SH3BP5: variants seen among roughly 807,000 people sequenced by gnomAD.
The protein encoded by SH3BP5 is SH3 domain-binding protein 5.
Under a neutral mutation model 43.3 loss-of-function variants are expected in SH3BP5, and 22 were observed. The ratio of observed to expected loss-of-function variants is 0.51; its 90% CI spans 0.36 to 0.73. The LOEUF (loss-of-function observed/expected upper bound fraction) is 0.73. Among genes scored for constraint, SH3BP5 ranks in the 30% least tolerant of loss-of-function variants. The probability of loss-of-function intolerance (pLI) is 0.00; values close to 1 mark genes in which losing one functional copy is unlikely to be tolerated. For missense variants in SH3BP5, 529 were observed against 586.9 expected (o/e 0.90, Z 1.02); for synonymous variants, 255 against 225.8 (o/e 1.13, Z -1.16).
Position 15,258,806 on chromosome 3 carries a change from A to C in SH3BP5, c.889+25T>G. The C allele has an allele frequency of 1.3e-6, 2 of 1,581,850 alleles. 1 individual carries two copies. The highest frequency in any genetic ancestry group is 2.2e-5 in the South Asian group (2 of 90,390). On this transcript the variant is annotated intron_variant, in intron 7 of 8. Coordinates refer to ENST00000383791, the MANE Select transcript of SH3BP5 (RefSeq NM_004844.5). ...ATCACACAGTCTGATATCTCCCCAC[A>C]TACCCAGTGGAGCCCCTGACTTACC...
intron 7 of SH3BP5, among the ~76,000 whole-genome samples, chr3:15,257,833 T>C (rs1004111263): frequency 6.6e-5 from 10 of 151,056 alleles, no homozygotes; most frequent in African/African-American, 2.5e-4. Context: ...TCCTACTCCA[T>C]TTTTCCCCCC....
At chr3:15,259,219 A>G (rs531314900) in intron 6 of SH3BP5, 169 bp from the exon 7 acceptor site, 8 of 626,268 alleles carry the variant, frequency 1.3e-5, no homozygotes, top group South Asian at 1.2e-4. Context: ...TCACCAGACA[A>G]AATCAGCCAC....
At chr3:15,320,640 A>ACACACACACACACACACACACCCC (rs373879792) in intron 2 of SH3BP5, among the ~76,000 whole-genome samples, 1 of 149,560 alleles carries the variant, frequency 6.7e-6, no homozygotes. Flanking sequence ...ACACACACAC[A>ACACACACACACACACACACACCCC]CCCCACTACG....
chr3:15,273,481 C>G lies in SH3BP5; in HGVS notation c.331-3604G>C, dbSNP rs148275703. ...GTGCTGTCAAATTCCGGACAAGCGT[C>G]TGAAGTTTCTGCGAGATTCCTTCTC... On this transcript the variant is annotated intron_variant, in intron 3 of 8. Coordinates refer to ENST00000383791, the MANE Select transcript of SH3BP5 (RefSeq NM_004844.5). The G allele has an allele frequency of 4.1e-5, 34 of 824,410 alleles. No homozygotes were observed. In the African/African-American group the frequency reaches 4.8e-4, roughly 12 times the overall value. The allele number at this position is 824,410 out of a possible 1,614,324, so 51.1% of individuals were successfully genotyped here.
intron 2 of SH3BP5, among the ~76,000 whole-genome samples, chr3:15,315,395 C>T (rs557334809): frequency 2.4e-4 from 36 of 152,370 alleles, no homozygotes; most frequent in African/African-American, 8.2e-4. Flanking sequence ...ACCCTCTGGG[C>T]AAGCCCTGTG....
chr3:15,312,065 C>T (rs1339708717), intron 2 of SH3BP5, among the ~76,000 whole-genome samples: 1 of 152,126 alleles, frequency 6.6e-6, no homozygotes, highest in African/African-American at 2.4e-5. Context: ...GGTGGGGCAC[C>T]TGGAAACCTT....
At chr3:15,317,248 C>T (rs1008613215) in intron 2 of SH3BP5, among the ~76,000 whole-genome samples, 23 of 152,288 alleles carry the variant, frequency 1.5e-4, no homozygotes, top group African/African-American at 4.8e-4. Flanking sequence ...GGCGATATGG[C>T]GAGTTCATGG....
In SH3BP5 at chr3:15,330,552, CT is replaced by C. The variant is rs773204463; in HGVS notation, c.152del (p.Lys51SerfsTer2). On this transcript the variant is annotated frameshift_variant, in exon 2 of 9. Coordinates refer to ENST00000383791, the MANE Select transcript of SH3BP5 (RefSeq NM_004844.5). LOFTEE classifies it high-confidence loss of function. ...VDPRIQGELE[K>X]LNQSTDDINR... Reference sequence around the variant, plus strand: ...TGATATCATCCGTGGACTGATTTAACTTCTCCAGTTCTCCCTGGTGAAGAAA... The same window carrying C: ...TGATATCATCCGTGGACTGATTTAACTCTCCAGTTCTCCCTGGTGAAGAAA... The C allele has an allele frequency of 6.2e-7, 1 of 1,607,386 alleles. No individual in the cohort carries two copies. Among genetic ancestry groups the C allele is most frequent in the Non-Finnish European group, 8.5e-7 (1 of 1,177,586 alleles).
chr3:15,283,591 A>T (rs563762649), intron 3 of SH3BP5, among the ~76,000 whole-genome samples: 1 of 152,320 alleles, frequency 6.6e-6, no homozygotes, highest in Admixed American at 6.5e-5. Flanking sequence ...GTTAGTGGCC[A>T]CACCACTCCA....
intron 3 of SH3BP5, among the ~76,000 whole-genome samples, chr3:15,294,627 T>A (rs189692587): frequency 2.4e-4 from 36 of 152,176 alleles, no homozygotes; most frequent in African/African-American, 8.7e-4. Context: ...GTTTCCTCAT[T>A]CGTACTATAA....
chr3:15,330,798 T>C (rs1698591215), intron 1 of SH3BP5: 1 of 978,522 alleles, frequency 1.0e-6, no homozygotes, highest in African/African-American at 1.8e-5. Context: ...TTCAGAGACA[T>C]TTGGAATTTG....
intron 3 of SH3BP5, among the ~76,000 whole-genome samples, chr3:15,293,188 G>A (rs1264996496): frequency 6.6e-6 from 1 of 152,252 alleles, no homozygotes. Flanking sequence ...TCTGCTTTGA[G>A]ACAGATGCCC....
intron 3 of SH3BP5, among the ~76,000 whole-genome samples, chr3:15,296,693 C>CTTTTTT: frequency 8.4e-6 from 1 of 118,916 alleles, no homozygotes; most frequent in African/African-American, 4.5e-5. Flanking sequence ...AAGTGTTTTT[C>CTTTTTT]CTTTTTTTTT....
At position 15,269,715 on chromosome 3, in the gene SH3BP5, T is replaced by C; in HGVS notation, c.493A>G (p.Arg165Gly). Residue 165 changes from arginine to glycine, a missense_variant and splice_region_variant, in exon 4 of 9, where the codon AGG becomes GGG. Arg to Gly is a moderately radical substitution (Grantham distance 125, BLOSUM62 -2). Coordinates refer to ENST00000383791, the MANE Select transcript of SH3BP5 (RefSeq NM_004844.5). ...WQEMLNHATQRVMEAEQTKTR... is the reference protein window; with the variant it reads ...WQEMLNHATQGVMEAEQTKTR... ...GCACACCCGGCCATGACTCATACCC[T>C]CTGAGTGGCGTGATTCAGCATCTCC... 6.3e-7 allele frequency: 1 copy of C among 1,593,632 alleles called. No individual in the cohort carries two copies. Among genetic ancestry groups the C allele is most frequent in the South Asian group, 1.1e-5 (1 of 88,324 alleles).
At chr3:15,307,103 A>G (rs1215727622) in intron 2 of SH3BP5, among the ~76,000 whole-genome samples, 1 of 152,168 alleles carries the variant, frequency 6.6e-6, no homozygotes, top group Non-Finnish European at 1.5e-5. Context: ...CCGGCATTCC[A>G]AAATATGAGG....
chr3:15,290,170 G>A (rs1284201296), intron 3 of SH3BP5, among the ~76,000 whole-genome samples: 1 of 152,042 alleles, frequency 6.6e-6, no homozygotes, highest in Non-Finnish European at 1.5e-5. Context: ...GGGAGGTCAA[G>A]GCAGTTGAGG....
chr3:15,289,986 C>G (rs1274008288), intron 3 of SH3BP5, among the ~76,000 whole-genome samples: 1 of 152,196 alleles, frequency 6.6e-6, no homozygotes, highest in Non-Finnish European at 1.5e-5. Context: ...TATGCCACTG[C>G]TTTTAGAAAT....
chr3:15,262,299 A>T lies in SH3BP5; in HGVS notation c.496-10T>A. On this transcript the variant is annotated splice_polypyrimidine_tract_variant and intron_variant, in intron 4 of 8. Coordinates refer to ENST00000383791, the MANE Select transcript of SH3BP5 (RefSeq NM_004844.5). ...GCTCCGCCTCCATGACCTTAAAATG[A>T]CAGCAGAGTTCAGCCCAGTCCAGCC... is the stretch of plus-strand genomic sequence containing the variant. 5.0e-6 allele frequency: 8 copies of T among 1,613,974 alleles called. No homozygotes were observed. The highest frequency in any genetic ancestry group is 6.8e-6 in the Non-Finnish European group (8 of 1,179,938).
chr3:15,269,650 T>C, intron 4 of SH3BP5, 63 bp downstream of exon 4: 1 of 1,471,282 alleles, frequency 6.8e-7, no homozygotes, highest in South Asian at 1.4e-5. Context: ...TTACCTCCGC[T>C]CAGGGGAAGC....
Sources: allele counts gnomAD v4.1 joint callset (sites outside exome capture counted in the v4.1 genomes callset), GRCh38; gene constraint gnomAD v4.1.1; transcripts MANE v1.5; gene names NCBI Gene and HGNC (gene_info 2026-07-23, HGNC 2026-07-21).